Variants in PROM1 observed in about 807,000 individuals in gnomAD.
PROM1 encodes the protein prominin 1.
In PROM1, 105 loss-of-function variants were observed where a neutral mutation model predicts 116.9. The ratio of observed to expected loss-of-function variants is 0.90; its 90% CI spans 0.77 to 1.06. The LOEUF is 1.06. PROM1 is among the 50% of genes least tolerant of loss of function. PROM1 has a pLI of 0.00. For synonymous variants in PROM1, 393 were observed against 387.0 expected (o/e 1.02, Z -0.18); for missense variants, 1,122 against 1,045.2 (o/e 1.07, Z -1.01).
rs541743701 is a variant in PROM1 at position 16,072,891 on chromosome 4, T to C, written c.220+2796A>G. 1.9e-4 allele frequency among the ~76,000 whole-genome samples: 29 copies of C among 152,202 alleles called. No homozygotes were observed. The South Asian group carries it at 5.8e-3, about 31-fold the overall frequency. ...CAGATAGATAAACTGGCTCACCTGG[T>C]CTTGTGACCCCCACCCAGGAACTGA... On this transcript the variant is annotated intron_variant, in intron 2 of 27. Transcript: ENST00000447510.
At chr4:16,082,598 C>G (rs1386681932) in intron 1 of PROM1, 2 of 152,290 alleles carry the variant, frequency 1.3e-5, no homozygotes, top group Non-Finnish European at 2.9e-5. Flanking sequence ...AGCTGCGGGA[C>G]ACAAAAGAAT....
chr4:16,031,559 A>T (rs1390663650), intron 5 of PROM1, among the ~76,000 whole-genome samples: 7 of 152,218 alleles, frequency 4.6e-5, no homozygotes, highest in Non-Finnish European at 5.9e-5. Flanking sequence ...CAAATGTGAA[A>T]AAAATAGCAA....
intron 5 of PROM1, among the ~76,000 whole-genome samples, chr4:16,028,019 A>T (rs2677795): frequency 0.31 from 46,787 of 151,752 alleles, 7,695 homozygotes; most frequent in East Asian, 0.52. Flanking sequence ...ATAATTTTTT[A>T]AAAAAACTGT....
At chr4:16,077,544 CTT>C (rs1388727110) in intron 1 of PROM1, among the ~76,000 whole-genome samples, 3 of 152,168 alleles carry the variant, frequency 2.0e-5, no homozygotes, top group Non-Finnish European at 4.4e-5. Flanking sequence ...TTTCTCTATA[CTT>C]TGTCTCTGTG....
At chr4:16,060,223 A>C (rs1357461759) in intron 2 of PROM1, among the ~76,000 whole-genome samples, 1 of 152,198 alleles carries the variant, frequency 6.6e-6, no homozygotes, top group Non-Finnish European at 1.5e-5. Flanking sequence ...TTTTTTTTCC[A>C]AATTAAAGAG....
rs886059206 is a variant in PROM1 at position 16,076,033 on chromosome 4, T to C, written c.-127A>G. The C allele has an allele frequency of 4.8e-5, 69 of 1,438,504 alleles. No individual in the cohort carries two copies. The highest frequency in any genetic ancestry group is 2.6e-4 in the Middle Eastern group (1 of 3,904). The allele number at this position is 1,438,504 out of a possible 1,614,324, so 89.1% of individuals were successfully genotyped here. ...AGCAGGAAGCACTGGATCTGCTGAA[T>C]CTTCAGTTTTCTGTCTGAGGCTGGC... On this transcript the variant is annotated 5_prime_UTR_variant, in exon 2 of 28. Coordinates refer to ENST00000447510, the MANE Select transcript of PROM1 (RefSeq NM_006017.3).
rs1732673739 is a variant in PROM1 at position 16,031,446 on chromosome 4, AG to A, written c.509+1857del. On this transcript the variant is annotated intron_variant, in intron 5 of 27. Transcript: ENST00000447510. Reference sequence around the variant, plus strand: ...AAAAGAGGTAACTACCCCTATAACTAGGAGTCTGTGCATTCCTTAGAGTATA... The same window carrying A: ...AAAAGAGGTAACTACCCCTATAACTAGAGTCTGTGCATTCCTTAGAGTATA... 2.6e-5 allele frequency among the ~76,000 whole-genome samples: 4 copies of A among 152,304 alleles called. 1 individual carries two copies. The East Asian group carries it at 7.7e-4, about 29-fold the overall frequency.
At chr4:15,976,671 A>G (rs780413856) in intron 26 of PROM1, among the ~76,000 whole-genome samples, 2 of 152,050 alleles carry the variant, frequency 1.3e-5, no homozygotes, top group Non-Finnish European at 2.9e-5. Flanking sequence ...TGCTGAGAGG[A>G]CCCTGGCATC....
At chr4:16,039,802 T>G (rs934898571) in intron 2 of PROM1, among the ~76,000 whole-genome samples, 1 of 152,116 alleles carries the variant, frequency 6.6e-6, no homozygotes. Flanking sequence ...TAAAAACCTA[T>G]GCAATGCAAA....
intron 2 of PROM1, among the ~76,000 whole-genome samples, chr4:16,057,016 C>T (rs960397293): frequency 1.3e-5 from 2 of 152,206 alleles, no homozygotes; most frequent in African/African-American, 2.4e-5. Context: ...TGCAATACAA[C>T]GCTTAGGAAG....
intron 2 of PROM1, among the ~76,000 whole-genome samples, chr4:16,051,671 C>T (rs989355242): frequency 6.6e-6 from 1 of 152,186 alleles, no homozygotes; most frequent in Non-Finnish European, 1.5e-5. Flanking sequence ...TTGTGCCCAA[C>T]AGCAGAGCCA....
chr4:15,989,501 C>T (rs1225830045), intron 19 of PROM1, among the ~76,000 whole-genome samples: 1 of 152,226 alleles, frequency 6.6e-6, no homozygotes, highest in Non-Finnish European at 1.5e-5. Flanking sequence ...GTGGAAGAGA[C>T]AGCCACAGAT....
At chr4:16,020,327 T>G (rs376213492) in intron 8 of PROM1, among the ~76,000 whole-genome samples, 3 of 152,326 alleles carry the variant, frequency 2.0e-5, no homozygotes, top group African/African-American at 7.2e-5. Flanking sequence ...ATATTTAAGG[T>G]TGTAATAATA....
intron 15 of PROM1, among the ~76,000 whole-genome samples, chr4:15,994,900 T>TA (rs1352768719): frequency 6.6e-6 from 1 of 152,152 alleles, no homozygotes; most frequent in Non-Finnish European, 1.5e-5. Context: ...TGTTGGAACT[T>TA]AGAGCCTGAT....
rs1360370022 is a variant in PROM1 at position 16,032,465 on chromosome 4, C to T, written c.509+839G>A. Among the ~76,000 whole-genome samples the T allele has an allele frequency of 2.6e-5, 4 of 152,274 alleles. No homozygotes were observed. The East Asian group carries it at 5.8e-4, about 22-fold the overall frequency. Reference sequence around the variant, plus strand: ...AAAAAAATCTTACGGCTACTGAGCACGTGTGGTGTTTGGAGAAACAACAAA... The same window carrying T: ...AAAAAAATCTTACGGCTACTGAGCATGTGTGGTGTTTGGAGAAACAACAAA... On this transcript the variant is annotated intron_variant, in intron 5 of 27. Transcript: ENST00000447510.
chr4:16,067,171 T>G (rs1011810163), intron 2 of PROM1, among the ~76,000 whole-genome samples: 1 of 152,172 alleles, frequency 6.6e-6, no homozygotes, highest in Non-Finnish European at 1.5e-5. Context: ...ATGGAGGGAA[T>G]AGGGTGCAGC....
intron 20 of PROM1, 39 bp from the exon 21 acceptor site, chr4:15,986,076 T>A: frequency 2.8e-6 from 4 of 1,416,492 alleles, no homozygotes; most frequent in Non-Finnish European, 3.9e-6. Context: ...TATCAAGTCA[T>A]AGAAAGTTTT....
rs771046422 is a variant in PROM1 at position 15,992,325 on chromosome 4, C to T, written c.1834G>A (p.Ala612Thr). 12 of 1,613,758 alleles carry T rather than the reference C, an allele frequency of 7.4e-6. No individual in the cohort carries two copies. Among genetic ancestry groups the T allele is most frequent in the Middle Eastern group, 3.3e-4 (2 of 6,082 alleles). Residue 612 changes from alanine to threonine, a missense_variant, in exon 17 of 28, where the codon GCA becomes ACA. Coordinates refer to ENST00000447510, the MANE Select transcript of PROM1 (RefSeq NM_006017.3). The stretch of plus-strand genomic sequence containing the variant: ...TCCTGAAGGTTTTTTCTTCCTGCTG[C>T]ACCCAACAGAAAGATATTAAGATTT... ...KVNLNIFLLG[A>T]AGRKNLQDFA...
At chr4:16,069,704 T>C (rs896347653) in intron 2 of PROM1, among the ~76,000 whole-genome samples, 16 of 152,170 alleles carry the variant, frequency 1.1e-4, no homozygotes, top group Admixed American at 7.2e-4. Flanking sequence ...TCATCTACCT[T>C]CCAAAGTTAT....
Sources: gnomAD v4.1 joint callset for allele counts (sites outside exome capture counted in the v4.1 genomes callset) on GRCh38, gnomAD v4.1.1 for gene constraint, MANE v1.5 for transcripts, NCBI Gene and HGNC (gene_info 2026-07-23, HGNC 2026-07-21) for gene names.